The following CPA5 variants were observed in gnomAD, a reference collection of about 807,000 sequenced individuals.
CPA5 encodes carboxypeptidase A5.
A neutral mutation model predicts 52.2 loss-of-function variants in CPA5; 38 were observed. The observed-to-expected ratio is 0.73, with a 90% CI of 0.56 to 0.95. CPA5 has a LOEUF of 0.95. Among genes scored for constraint, CPA5 ranks in the 40% least tolerant of loss-of-function variants. CPA5 has a pLI of 0.00. For synonymous variants in CPA5, 198 were observed against 213.7 expected, an observed-to-expected ratio of 0.93 and a Z score of 0.64; for missense variants, 519 against 566.7, an observed-to-expected ratio of 0.92 and a Z score of 0.86.
chr7:130,367,408 A>T lies in CPA5; in HGVS notation c.875A>T (p.Tyr292Phe). The T allele has an allele frequency of 3.7e-6, 6 of 1,614,102 alleles. No individual in the cohort carries two copies. Among genetic ancestry groups the T allele is most frequent in the African/African-American group, 1.3e-5 (1 of 75,026 alleles). ...GSNSNPCSET[Y>F]HGPSPQSEPE... ...AACAGCAACCCCTGCTCAGAAACTT[A>T]TCACGGGCCCTCCCCTCAGTCGGAG... The change falls in exon 11 of 13, where the codon TAT becomes TTT. Residue 292 changes from tyrosine to phenylalanine, a missense_variant. Transcript: ENST00000474905.
chr7:130,372,367 T>C (rs1388708789), downstream of CPA5, among the ~76,000 whole-genome samples: 1 of 152,260 alleles, frequency 6.6e-6, no homozygotes, highest in Admixed American at 6.5e-5. Flanking sequence ...TCACTCTATG[T>C]GGCAGAAGTC....
downstream of CPA5, among the ~76,000 whole-genome samples, chr7:130,371,565 G>A (rs1796294551): frequency 6.6e-6 from 1 of 151,650 alleles, no homozygotes; most frequent in African/African-American, 2.4e-5. Context: ...CTGTCCAGAT[G>A]GAGGTCTTCT....
At position 130,363,475 on chromosome 7, in the gene CPA5, G is replaced by T; in HGVS notation, c.804G>T (p.Val268=). 6.3e-7 allele frequency: 1 copy of T among 1,586,848 alleles called. No homozygotes were observed. ...SIRPGIFCIG[V]DLNRNWKSGF... is the part of the protein sequence containing the mutation. Reference sequence around the variant, plus strand: ...GACCTGGAATCTTCTGCATCGGCGTGGATCTCAACAGGAACTGGAAGTCGG... The same window carrying T: ...GACCTGGAATCTTCTGCATCGGCGTTGATCTCAACAGGAACTGGAAGTCGG... Residue 268 remains valine, a synonymous_variant, in exon 10 of 13, where the codon GTG becomes GTT. Coordinates refer to ENST00000474905, the MANE Select transcript of CPA5 (RefSeq NM_080385.5).
chr7:130,353,687 A>G (rs1297420296), intron 5 of CPA5, among the ~76,000 whole-genome samples: 1 of 151,996 alleles, frequency 6.6e-6, no homozygotes, highest in Non-Finnish European at 1.5e-5. Context: ...AGCACATCCC[A>G]CACCACCCCC....
intron 3 of CPA5, 93 bp downstream of exon 3, chr7:130,346,694 C>A: frequency 2.1e-6 from 2 of 975,400 alleles, no homozygotes; most frequent in Non-Finnish European, 3.2e-6. Flanking sequence ...GGTGCCTGAT[C>A]AAGGCGGAGA....
rs1554406114 is a variant in CPA5 at position 130,359,691 on chromosome 7, G to C, written c.432+4G>C. 4 of 1,572,072 alleles carry C rather than the reference G, an allele frequency of 2.5e-6. No homozygotes were observed. Among genetic ancestry groups the C allele is most frequent in the African/African-American group, 1.3e-5 (1 of 74,406 alleles). On this transcript the variant is annotated splice_donor_region_variant and intron_variant, in intron 6 of 12. Coordinates refer to ENST00000474905, the MANE Select transcript of CPA5 (RefSeq NM_080385.5). The stretch of plus-strand genomic sequence containing the variant: ...ATCATACCACACCCTGGAGGAGGTA[G>C]GTCTGGCCGGGCAAGCTCTGGGCTC...
chr7:130,367,468 C>T lies in CPA5; in HGVS notation c.935C>T (p.Ala312Val), dbSNP rs369869777. The T allele has an allele frequency of 2.5e-6, 4 of 1,614,132 alleles. No individual in the cohort carries two copies. The highest frequency in any genetic ancestry group is 3.4e-6 in the Non-Finnish European group (4 of 1,180,012). Residue 312 changes from alanine to valine, a missense_variant, in exon 11 of 13, where the codon GCC becomes GTC. By Grantham distance (64) the Ala-to-Val change is moderately conservative (BLOSUM62 0). Coordinates refer to ENST00000474905, the MANE Select transcript of CPA5 (RefSeq NM_080385.5). The stretch of plus-strand genomic sequence containing the variant: ...GCTGCCATAGTGAACTTCATCACAG[C>T]CCATGGCAACTTCAAGGCTCTGATC... ...EVAAIVNFIT[A>V]HGNFKALISI... is the part of the protein sequence containing the mutation.
chr7:130,374,332 C>T, the CPA5 span, among the ~76,000 whole-genome samples: 5 of 152,072 alleles, frequency 3.3e-5, no homozygotes, highest in African/African-American at 1.2e-4. Flanking sequence ...GTTCTTCTTC[C>T]CTGAGCTTCT....
Position 130,367,867 on chromosome 7 carries a change from G to A in CPA5, c.1039-39G>A. 1.9e-6 allele frequency: 3 copies of A among 1,574,964 alleles called. No individual in the cohort carries two copies. In the South Asian group the frequency reaches 3.3e-5, roughly 17 times the overall value. On this transcript the variant is annotated intron_variant, in intron 11 of 12. Transcript: ENST00000474905. Reference sequence around the variant, plus strand: ...GTGGGGGAGTGTGTGGGAGCCCCGGGGAGCCCCTGCCTTTCACCCCGCCAA... The same window carrying A: ...GTGGGGGAGTGTGTGGGAGCCCCGGAGAGCCCCTGCCTTTCACCCCGCCAA...
intron 5 of CPA5, among the ~76,000 whole-genome samples, chr7:130,352,563 C>T (rs1484392816): frequency 3.4e-4 from 51 of 152,104 alleles, no homozygotes; most frequent in Admixed American, 1.7e-3. Context: ...GAAGCCAGAC[C>T]CCATCACAAA....
downstream of CPA5, among the ~76,000 whole-genome samples, chr7:130,373,591 G>T (rs1235650610): frequency 6.6e-6 from 1 of 152,238 alleles, no homozygotes; most frequent in Non-Finnish European, 1.5e-5. Context: ...GCAGTGAGGG[G>T]CCCTTCACAC....
chr7:130,358,642 T>G (rs1795624956), intron 5 of CPA5, among the ~76,000 whole-genome samples: 1 of 152,202 alleles, frequency 6.6e-6, no homozygotes, highest in African/African-American at 2.4e-5. Context: ...GCATCCTCTG[T>G]GGCAGACGAC....
At chr7:130,354,443 G>C (rs1270348164) in intron 5 of CPA5, among the ~76,000 whole-genome samples, 1 of 150,280 alleles carries the variant, frequency 6.7e-6, no homozygotes, top group Non-Finnish European at 1.5e-5. Flanking sequence ...ACCCAGGCTG[G>C]AGTACAGTGG....
At chr7:130,346,104 G>A (rs1554402055) in intron 2 of CPA5, among the ~76,000 whole-genome samples, 1 of 152,234 alleles carries the variant, frequency 6.6e-6, no homozygotes, top group East Asian at 1.9e-4. Flanking sequence ...GAGAAGAAGA[G>A]CGAAAGAGAA....
At chr7:130,353,555 A>G (rs1554404548) in intron 5 of CPA5, among the ~76,000 whole-genome samples, 1 of 152,064 alleles carries the variant, frequency 6.6e-6, no homozygotes, top group East Asian at 1.9e-4. Context: ...AGCCCTCTTT[A>G]TCTCAGGAAA....
At position 130,362,528 on chromosome 7, in the gene CPA5, A is replaced by G. The variant is rs1554407030; in HGVS notation, c.625A>G (p.Thr209Ala). The G allele has an allele frequency of 1.9e-6, 3 of 1,612,610 alleles. No homozygotes were observed. The highest frequency in any genetic ancestry group is 3.3e-5 in the Admixed American group (2 of 60,016). ...EWITHATGIW[T>A]ANKIVSDYGK... ...GATCACCCATGCCACCGGCATCTGG[A>G]CTGCCAATAAGGTCAGCATGGACCT... Residue 209 changes from threonine to alanine, a missense_variant, in exon 8 of 13, where the codon ACT becomes GCT. Thr to Ala is a moderately conservative substitution (Grantham distance 58). Transcript: ENST00000474905.
chr7:130,371,502 T>C (rs1796294077), downstream of CPA5, among the ~76,000 whole-genome samples: 1 of 152,114 alleles, frequency 6.6e-6, no homozygotes, highest in Non-Finnish European at 1.5e-5. Context: ...CACAGCCAGC[T>C]TGGCCAGATC....
At chr7:130,365,248 A>G (rs1796013858) in intron 10 of CPA5, among the ~76,000 whole-genome samples, 1 of 152,200 alleles carries the variant, frequency 6.6e-6, no homozygotes, top group South Asian at 2.1e-4. Flanking sequence ...CTCCAAATGA[A>G]CAGACGCTTG....
chr7:130,366,234 C>A (rs1472654445), intron 10 of CPA5, among the ~76,000 whole-genome samples: 1 of 152,204 alleles, frequency 6.6e-6, no homozygotes, highest in Admixed American at 6.5e-5. Flanking sequence ...CATGGGCCAG[C>A]CCCCAGCCCC....
Sources: allele counts gnomAD v4.1 joint callset (sites outside exome capture counted in the v4.1 genomes callset), GRCh38; gene constraint gnomAD v4.1.1; transcripts MANE v1.5; gene names NCBI Gene and HGNC (gene_info 2026-07-23, HGNC 2026-07-21).